KNTC1: variants seen among roughly 807,000 people sequenced by gnomAD.
The protein encoded by KNTC1 is kinetochore associated 1, also known as kinetochore-associated protein 1.
A neutral mutation model predicts 314.4 loss-of-function variants in KNTC1; 253 were observed. The ratio of observed to expected loss-of-function variants is 0.80; its 90% CI spans 0.73 to 0.89. The LOEUF is 0.89. Among genes scored for constraint, KNTC1 ranks in the 40% least tolerant of loss-of-function variants. KNTC1 has a pLI of 0.00. For missense variants in KNTC1, 2,475 were observed against 2,572.9 expected, an observed-to-expected ratio of 0.96 and a Z score of 0.82; for synonymous variants, 901 against 901.4, an observed-to-expected ratio of 1.00 and a Z score of 0.01.
At chr12:122,534,601 G>A in intron 2 of KNTC1, 63 bp from the exon 3 acceptor site, 1 of 1,449,412 alleles carries the variant, frequency 6.9e-7, no homozygotes, top group South Asian at 1.2e-5. Context: ...TGATACTATT[G>A]ATAAGTATTA....
intron 43 of KNTC1, among the ~76,000 whole-genome samples, chr12:122,594,865 A>G (rs1870806761): frequency 6.6e-6 from 1 of 152,204 alleles, no homozygotes; most frequent in Admixed American, 6.5e-5. Context: ...TGTTTATAAA[A>G]GAATTTTTAT....
intron 43 of KNTC1, among the ~76,000 whole-genome samples, chr12:122,596,567 A>G (rs1464052938): frequency 6.7e-6 from 1 of 149,824 alleles, no homozygotes; most frequent in African/African-American, 2.4e-5. Flanking sequence ...TTGGCCAGGT[A>G]TGGTGGCTAA....
chr12:122,530,085 C>T lies in KNTC1; in HGVS notation c.22C>T (p.Leu8=), dbSNP rs554721500. 25 of 1,613,622 alleles carry T rather than the reference C, an allele frequency of 1.5e-5. No individual in the cohort carries two copies. Among genetic ancestry groups the T allele is most frequent in the Non-Finnish European group, 1.9e-5 (23 of 1,179,762 alleles). Residue 8 remains leucine (L), a synonymous_variant, in exon 2 of 64, where the codon CTA becomes TTA. Coordinates refer to ENST00000333479, the MANE Select transcript of KNTC1 (RefSeq NM_014708.6). ...AAACATGTGGAATGATATTGAGCTG[C>T]TAACAAATGATGATACCGGAAGTGG... is the stretch of plus-strand genomic sequence containing the variant. MWNDIEL[L]TNDDTGSGYL...
intron 32 of KNTC1, among the ~76,000 whole-genome samples, chr12:122,580,181 A>G (rs1251323335): frequency 1.3e-5 from 2 of 152,180 alleles, no homozygotes; most frequent in African/African-American, 2.4e-5. Flanking sequence ...AAATCAACCT[A>G]TCATTTGTTT....
At chr12:122,596,499 G>C (rs1024921595) in intron 43 of KNTC1, among the ~76,000 whole-genome samples, 1 of 151,322 alleles carries the variant, frequency 6.6e-6, no homozygotes. Context: ...TTACAGGCGT[G>C]AATCACGTGC....
At chr12:122,588,663 A>G (rs1459599036) in intron 39 of KNTC1, 49 bp from the exon 40 acceptor site, 1 of 1,289,352 alleles carries the variant, frequency 7.8e-7, no homozygotes, top group Non-Finnish European at 1.0e-6. Context: ...AAATTTTCAG[A>G]ATGTTATATA....
At chr12:122,547,564 T>G (rs1565942364) in intron 11 of KNTC1, 34 bp downstream of exon 11, 1 of 1,252,458 alleles carries the variant, frequency 8.0e-7, no homozygotes, top group East Asian at 2.3e-5. Flanking sequence ...GTCATTTCCC[T>G]TCTGTTAGTA....
chr12:122,541,218 T>C (rs1020262142), intron 5 of KNTC1, among the ~76,000 whole-genome samples: 2 of 151,596 alleles, frequency 1.3e-5, no homozygotes, highest in Admixed American at 6.6e-5. Flanking sequence ...AACCTTCAAA[T>C]TGACATATTT....
Position 122,604,892 on chromosome 12 carries a change from A to G in KNTC1, c.5191A>G (p.Lys1731Glu). 6.2e-7 allele frequency: 1 copy of G among 1,604,150 alleles called. No homozygotes were observed. Among genetic ancestry groups the G allele is most frequent in the South Asian group, 1.1e-5 (1 of 89,334 alleles). The part of the protein sequence containing the change: ...NIPSQDEKRE[K>E]AEALLKKLHI... ...TGTTTAAAAGGACGAAAAACGTGAA[A>G]AAGCCGAGGCTTTGTTGAAGAAGCT... The change falls in exon 50 of 64, where the codon AAA becomes GAA. Residue 1731 changes from lysine (K) to glutamate (E), a missense_variant. Coordinates refer to ENST00000333479, the MANE Select transcript of KNTC1 (RefSeq NM_014708.6).
rs1310015632 is a variant in KNTC1 at position 122,622,445 on chromosome 12, T to A, written c.6370-17T>A. 2.0e-6 allele frequency: 3 copies of A among 1,533,356 alleles called. No homozygotes were observed. Among genetic ancestry groups the A allele is most frequent in the Non-Finnish European group, 2.7e-6 (3 of 1,121,942 alleles). 95.0% of individuals were successfully genotyped at this position (1,533,356 alleles called of 1,614,324 possible). A position where few individuals can be genotyped will look rare whatever the true frequency, so the allele number is the denominator to read the frequency against. On this transcript the variant is annotated splice_polypyrimidine_tract_variant and intron_variant, in intron 61 of 63. Coordinates refer to ENST00000333479, the MANE Select transcript of KNTC1 (RefSeq NM_014708.6). ...TAGATTAGAAGTCTGATCTTAATGA[T>A]ACCTGTCATTCTATAGATTAGAAGT...
At position 122,604,919 on chromosome 12, in the gene KNTC1, C is replaced by T; in HGVS notation, c.5218C>T (p.His1740Tyr). 1.2e-6 allele frequency: 2 copies of T among 1,609,908 alleles called. No homozygotes were observed. The highest frequency in any genetic ancestry group is 1.7e-6 in the Non-Finnish European group (2 of 1,177,998). Residue 1740 changes from histidine to tyrosine, a missense_variant, in exon 50 of 64, where the codon CAT becomes TAT. Physicochemically the swap from His to Tyr is moderately conservative, Grantham distance 83. Transcript: ENST00000333479. ...EKAEALLKKL[H>Y]IQYRRSGTEA... ...AGCCGAGGCTTTGTTGAAGAAGCTT[C>T]ATATCCAGTACCGGCGATCGGGCAC...
Position 122,618,495 on chromosome 12 carries a change from A to G in KNTC1, c.6099A>G (p.Leu2033=). The change falls in exon 59 of 64, where the codon TTA becomes TTG. Residue 2033 remains leucine, a synonymous_variant. Coordinates refer to ENST00000333479, the MANE Select transcript of KNTC1 (RefSeq NM_014708.6). ...TTTTGTTTTCAGCCTCTTGTCCTTT[A>G]AGTCCTGATCAGCTGTCAGATTGTT... ...QIPLLSASCP[L]SPDQLSDCSE... 1.9e-6 allele frequency: 3 copies of G among 1,606,492 alleles called. No individual in the cohort carries two copies. Among genetic ancestry groups the G allele is most frequent in the Non-Finnish European group, 2.5e-6 (3 of 1,177,144 alleles).
chr12:122,614,306 C>T (rs901379286), intron 55 of KNTC1, among the ~76,000 whole-genome samples: 4 of 152,162 alleles, frequency 2.6e-5, no homozygotes, highest in South Asian at 2.1e-4. Context: ...ATCTCTTCCA[C>T]GGCTTATCTG....
intron 11 of KNTC1, 86 bp from the exon 12 acceptor site, chr12:122,547,829 C>G: frequency 1.3e-6 from 1 of 775,316 alleles, no homozygotes; most frequent in Non-Finnish European, 2.0e-6. Context: ...TTGGCAAAGC[C>G]TACTTTTTTA....
In KNTC1 at chr12:122,626,310, G is replaced by T. The variant is rs1875045464; in HGVS notation, c.*82G>T. 8 of 938,142 alleles carry T rather than the reference G, an allele frequency of 8.5e-6. No homozygotes were observed. The highest frequency in any genetic ancestry group is 1.4e-5 in the South Asian group (1 of 70,086). The allele number at this position is 938,142 out of a possible 1,614,324, so 58.1% of individuals were successfully genotyped here. On this transcript the variant is annotated 3_prime_UTR_variant, in exon 64 of 64. Transcript: ENST00000333479. ...CCATATTTATTACAGTTTTTAAATT[G>T]TACAATCTCTGTATTATAGCTATTT...
At chr12:122,554,057 A>T (rs2137795432) in intron 16 of KNTC1, among the ~76,000 whole-genome samples, 1 of 119,160 alleles carries the variant, frequency 8.4e-6, no homozygotes, top group Non-Finnish European at 1.6e-5. Flanking sequence ...CATACAGAAT[A>T]CTTCCTTAAA....
chr12:122,601,811 A>G (rs1240174416), intron 45 of KNTC1, 186 bp downstream of exon 45: 3 of 565,408 alleles, frequency 5.3e-6, no homozygotes, highest in African/African-American at 2.0e-5. Flanking sequence ...TGACATTCCT[A>G]TTTTATCACT....
Position 122,618,344 on chromosome 12 carries a change from T to C in KNTC1, c.6032T>C (p.Val2011Ala). 6.2e-7 allele frequency: 1 copy of C among 1,613,474 alleles called. No individual in the cohort carries two copies. The highest frequency in any genetic ancestry group is 8.5e-7 in the Non-Finnish European group (1 of 1,179,564). The change falls in exon 58 of 64, where the codon GTT becomes GCT. Residue 2011 changes from valine (V) to alanine (A), a missense_variant and splice_region_variant. Val to Ala is a moderately conservative substitution (Grantham distance 64, BLOSUM62 0). Transcript: ENST00000333479. ...AISSIHSLWQ[V>A]PYFSKAWQRV... ...CCAAACGTGGACTTGTTTTCACAGG[T>C]TCCCTACTTCAGCAAAGCGTGGCAG...
In KNTC1 at chr12:122,598,212, T is replaced by G. The variant is rs1329057582; in HGVS notation, c.4563+274T>G. ...GAAATGTATAAATCAAAACAAGCAA[T>G]TTCCCTATAACTCCACTCCCTAGAG... On this transcript the variant is annotated intron_variant, in intron 44 of 63. Coordinates refer to ENST00000333479, the MANE Select transcript of KNTC1 (RefSeq NM_014708.6). Among the ~76,000 whole-genome samples the G allele has an allele frequency of 2.0e-5, 3 of 152,108 alleles. No individual in the cohort carries two copies. The South Asian group carries it at 6.2e-4, about 32-fold the overall frequency.
Sources: gnomAD v4.1 joint callset for allele counts (sites outside exome capture counted in the v4.1 genomes callset) on GRCh38, gnomAD v4.1.1 for gene constraint, MANE v1.5 for transcripts, NCBI Gene and HGNC (gene_info 2026-07-23, HGNC 2026-07-21) for gene names.